Variants in DCBLD2 observed in about 807,000 individuals in gnomAD.
DCBLD2 encodes discoidin, CUB and LCCL domain containing 2.
A neutral mutation model predicts 86.8 loss-of-function variants in DCBLD2; 54 were observed. The ratio of observed to expected loss-of-function variants is 0.62; its 90% CI spans 0.50 to 0.78. The LOEUF is 0.78. DCBLD2 is among the 30% of genes least tolerant of loss of function. The probability of loss-of-function intolerance (pLI) is 0.00; values close to 1 mark genes in which losing one functional copy is unlikely to be tolerated. For synonymous variants in DCBLD2, 354 were observed against 341.3 expected (o/e 1.04, Z -0.41); for missense variants, 908 against 954.2 (o/e 0.95, Z 0.64).
In DCBLD2 at chr3:98,817,780, C is replaced by T; in HGVS notation, c.1201G>A (p.Glu401Lys). ...GGTAATCATTTTACCTTATCTTGCT[C>T]CACACCAGGCTCTCTGTACACAGTC... ...KWTVYREPGV[E>K]QDKIFQGNKD... The change falls in exon 9 of 16, where the codon GAG becomes AAG. Residue 401 changes from glutamate to lysine, a missense_variant. Glu to Lys is a moderately conservative substitution (Grantham distance 56, BLOSUM62 1). Around this residue, in one of 3 missense-constraint regions of DCBLD2, gnomAD observed 606 missense variants for 678.5 expected, o/e 0.89. Coordinates refer to ENST00000326840, the MANE Select transcript of DCBLD2 (RefSeq NM_080927.4). 6.2e-7 allele frequency: 1 copy of T among 1,613,414 alleles called. No homozygotes were observed. The highest frequency in any genetic ancestry group is 8.5e-7 in the Non-Finnish European group (1 of 1,179,582).
chr3:98,838,824 C>A (rs1942541902), intron 3 of DCBLD2, among the ~76,000 whole-genome samples: 1 of 152,146 alleles, frequency 6.6e-6, no homozygotes, highest in African/African-American at 2.4e-5. Flanking sequence ...GTTGGCGGAT[C>A]ACTCGCGGTT....
intron 1 of DCBLD2, among the ~76,000 whole-genome samples, chr3:98,890,089 T>C (rs935985362): frequency 7.2e-5 from 11 of 152,056 alleles, no homozygotes; most frequent in African/African-American, 2.2e-4. Context: ...TTCAAGACTG[T>C]TGCGGGTTGA....
At chr3:98,861,617 T>G (rs1009776263) in intron 2 of DCBLD2, among the ~76,000 whole-genome samples, 3 of 152,194 alleles carry the variant, frequency 2.0e-5, no homozygotes, top group Non-Finnish European at 2.9e-5. Context: ...AACCTGCTCC[T>G]GAATGACTAC....
chr3:98,815,702 A>C (rs1311859316), intron 9 of DCBLD2: 5 of 152,200 alleles, frequency 3.3e-5, no homozygotes, highest in African/African-American at 1.2e-4. Flanking sequence ...GACACACTGG[A>C]GACATCTTAA....
intron 1 of DCBLD2, among the ~76,000 whole-genome samples, chr3:98,898,576 A>C (rs1469955427): frequency 6.6e-6 from 1 of 152,152 alleles, no homozygotes; most frequent in Non-Finnish European, 1.5e-5. Flanking sequence ...ATTTCCTTCC[A>C]GTCTTAAGAC....
At chr3:98,875,765 C>T (rs1359510364) in intron 2 of DCBLD2, among the ~76,000 whole-genome samples, 1 of 152,036 alleles carries the variant, frequency 6.6e-6, no homozygotes, top group Non-Finnish European at 1.5e-5. Flanking sequence ...TACAGAACTG[C>T]AGTATATGAT....
intron 3 of DCBLD2, among the ~76,000 whole-genome samples, chr3:98,825,643 T>TTTTATATA (rs1317079960): frequency 8.7e-6 from 1 of 115,088 alleles, no homozygotes; most frequent in South Asian, 3.1e-4. Flanking sequence ...ATATGTGTAT[T>TTTTATATA]TATATATATA....
In DCBLD2 at chr3:98,839,118, T is replaced by TTTC. The variant is rs1491586464; in HGVS notation, c.571+10342_571+10343insGAA. The stretch of plus-strand genomic sequence containing the variant: ...CTGTGCTCCCTTCTTTCTTTCTTTC[T>TTTC]TTTTCTTTCTTTCCTTCCTTCCTTC... On this transcript the variant is annotated intron_variant, in intron 3 of 15. Transcript: ENST00000326840. Among the ~76,000 whole-genome samples the TTTC allele has an allele frequency of 6.6e-4, 51 of 77,552 alleles. 1 individual carries two copies. Among genetic ancestry groups the TTTC allele is most frequent in the African/African-American group, 1.6e-3 (42 of 25,812 alleles). 50.9% of individuals were successfully genotyped at this position (77,552 alleles called of 152,430 possible). A position where few individuals can be genotyped will look rare whatever the true frequency, so the allele number is the denominator to read the frequency against.
In DCBLD2 at chr3:98,886,953, T is replaced by G. The variant is rs1450380774; in HGVS notation, c.206-5186A>C. On this transcript the variant is annotated intron_variant, in intron 1 of 15. Transcript: ENST00000326840. Reference sequence around the variant, plus strand: ...ACTCCAAATCAAGTGTGTTTTTTGTTTAAGTATGTGCTTGTGATGCTGATT... The same window carrying G: ...ACTCCAAATCAAGTGTGTTTTTTGTGTAAGTATGTGCTTGTGATGCTGATT... Among the ~76,000 whole-genome samples the G allele has an allele frequency of 2.0e-5, 3 of 152,042 alleles. No homozygotes were observed. In the East Asian group the frequency reaches 5.8e-4, roughly 29 times the overall value.
intron 3 of DCBLD2, among the ~76,000 whole-genome samples, chr3:98,836,672 C>G (rs1303840324): frequency 8.8e-6 from 1 of 114,170 alleles, no homozygotes. Context: ...TAGGGGCGGC[C>G]GGGCAGAGGC....
chr3:98,823,974 A>T (rs896627463), intron 4 of DCBLD2, among the ~76,000 whole-genome samples: 1 of 152,102 alleles, frequency 6.6e-6, no homozygotes, highest in Non-Finnish European at 1.5e-5. Context: ...TCACTAGAAC[A>T]AGTGGTGGGA....
At chr3:98,836,648 T>A (rs1942459627) in intron 3 of DCBLD2, among the ~76,000 whole-genome samples, 1 of 127,406 alleles carries the variant, frequency 7.8e-6, no homozygotes, top group Non-Finnish European at 1.7e-5. Context: ...GCAGAGGGGC[T>A]CCTCACTTCC....
intron 1 of DCBLD2, among the ~76,000 whole-genome samples, chr3:98,895,858 A>G (rs936177135): frequency 1.3e-5 from 2 of 152,232 alleles, no homozygotes; most frequent in African/African-American, 4.8e-5. Flanking sequence ...TCTCAGGACT[A>G]TACTGAGGTA....
intron 3 of DCBLD2, among the ~76,000 whole-genome samples, chr3:98,848,921 G>C (rs1942778631): frequency 6.6e-6 from 1 of 152,136 alleles, no homozygotes; most frequent in Non-Finnish European, 1.5e-5. Flanking sequence ...TGTAATCCCA[G>C]CACTTTGGGA....
intron 3 of DCBLD2, among the ~76,000 whole-genome samples, chr3:98,843,379 A>T (rs1172210809): frequency 6.6e-6 from 1 of 152,196 alleles, no homozygotes; most frequent in East Asian, 1.9e-4. Flanking sequence ...AACAAATAGG[A>T]ACCTAGCCAA....
chr3:98,828,127 G>A (rs984851707), intron 3 of DCBLD2, among the ~76,000 whole-genome samples: 5 of 152,066 alleles, frequency 3.3e-5, no homozygotes, highest in African/African-American at 1.2e-4. Context: ...AAAAATATAT[G>A]AGAATATCAC....
At chr3:98,900,771 C>A in intron 1 of DCBLD2, 1 of 333,838 alleles carries the variant, frequency 3.0e-6, no homozygotes, top group East Asian at 8.1e-5. Context: ...CCTACAGTGT[C>A]CATCCATCCG....
chr3:98,808,204 C>T, intron 12 of DCBLD2, 30 bp from the exon 13 acceptor site: 1 of 1,558,468 alleles, frequency 6.4e-7, no homozygotes, highest in Non-Finnish European at 8.7e-7. Context: ...AACAGACAAA[C>T]AAAAGCCATA....
intron 2 of DCBLD2, among the ~76,000 whole-genome samples, chr3:98,868,479 T>C (rs1007905662): frequency 1.3e-5 from 2 of 152,186 alleles, no homozygotes; most frequent in African/African-American, 4.8e-5. Context: ...TAATTTTCAA[T>C]AGCTTTAGGG....
Sources: allele counts gnomAD v4.1 joint callset (sites outside exome capture counted in the v4.1 genomes callset), GRCh38; gene constraint gnomAD v4.1.1; regional missense constraint gnomAD v4.1.1; transcripts MANE v1.5; gene names NCBI Gene and HGNC (gene_info 2026-07-23, HGNC 2026-07-21).